The following ZKSCAN4 variants were observed in gnomAD, a reference collection of about 807,000 sequenced individuals.
ZKSCAN4 encodes the protein zinc finger protein with KRAB and SCAN domains 4.
A neutral mutation model predicts 30.8 loss-of-function variants in ZKSCAN4; 23 were observed. The observed-to-expected ratio is 0.75, with a 90% CI of 0.54 to 1.06. The LOEUF is 1.06. ZKSCAN4 is among the 50% of genes least tolerant of loss of function. ZKSCAN4 has a pLI of 0.00. For synonymous variants in ZKSCAN4, 208 were observed against 252.5 expected (o/e 0.82, Z 1.67); for missense variants, 556 against 665.4 (o/e 0.84, Z 1.81).
Position 28,245,047 on chromosome 6 carries a change from C to T in ZKSCAN4, c.*69G>A, listed in dbSNP as rs760430388. 1 of 1,600,204 alleles carries T rather than the reference C, an allele frequency of 6.2e-7. No homozygotes were observed. Among genetic ancestry groups the T allele is most frequent in the Non-Finnish European group, 8.6e-7 (1 of 1,168,460 alleles). On this transcript the variant is annotated 3_prime_UTR_variant, in exon 5 of 5. Coordinates refer to ENST00000377294, the MANE Select transcript of ZKSCAN4 (RefSeq NM_019110.5). ...AGCCCTGGTCCACAATTTCTGTAAC[C>T]ATTAAGGGCTCCAGGGTGGCTTCAG...
In ZKSCAN4 at chr6:28,243,064, T is replaced by C. The variant is rs1318567246; in HGVS notation, c.*2052A>G. Among the ~76,000 whole-genome samples the C allele has an allele frequency of 6.6e-6, 1 of 152,242 alleles. No individual in the cohort carries two copies. The highest frequency in any genetic ancestry group is 2.4e-5 in the African/African-American group (1 of 41,464). The stretch of plus-strand genomic sequence containing the variant: ...TTGAGTGTGTAAAATCAGAGCTATT[T>C]AGCAAATATTTAGGAGAAGTGAAAA... On this transcript the variant is annotated 3_prime_UTR_variant, in exon 5 of 5. Transcript: ENST00000377294.
chr6:28,249,757 A>T lies in ZKSCAN4; in HGVS notation c.501T>A (p.Ser167Arg), dbSNP rs1384035407. 6.2e-7 allele frequency: 1 copy of T among 1,614,030 alleles called. No homozygotes were observed. Among genetic ancestry groups the T allele is most frequent in the African/African-American group, 1.3e-5 (1 of 74,910 alleles). Residue 167 changes from serine (S) to arginine (R), a missense_variant, in exon 2 of 5, where the codon AGT becomes AGA. This residue lies in a region of ZKSCAN4 where 433 missense variants were observed against 511.5 expected (regional missense o/e 0.85). Coordinates refer to ENST00000377294, the MANE Select transcript of ZKSCAN4 (RefSeq NM_019110.5). The surrounding 1 kb of genome is among the most constrained non-coding windows in gnomAD (Gnocchi z 4.1). ...GAGCCTTCATTGGCTGGCACTGGCT[A>T]CTTTGAGACCCTTGAGTTTGTGTCA... ...ALLTQTQGSQSSQCQPMKALF... is the reference protein window; with the variant it reads ...ALLTQTQGSQRSQCQPMKALF...
At chr6:28,248,460 G>A (rs1201752425) in intron 2 of ZKSCAN4, among the ~76,000 whole-genome samples, 1 of 152,040 alleles carries the variant, frequency 6.6e-6, no homozygotes, top group Non-Finnish European at 1.5e-5. Context: ...GAGTAAAGAG[G>A]GTTTTTTGTT....
At position 28,243,471 on chromosome 6, in the gene ZKSCAN4, C is replaced by A. The variant is rs1024652680; in HGVS notation, c.*1645G>T. The stretch of plus-strand genomic sequence containing the variant: ...GATGGTAATAGGCACTTGAGCACTT[C>A]GGAAGAAATCAGTCTTTAAGCATCG... On this transcript the variant is annotated 3_prime_UTR_variant, in exon 5 of 5. Transcript: ENST00000377294. Among the ~76,000 whole-genome samples, 1 of 152,100 alleles carries A rather than the reference C, an allele frequency of 6.6e-6. No individual in the cohort carries two copies. The highest frequency in any genetic ancestry group is 2.4e-5 in the African/African-American group (1 of 41,396).
chr6:28,242,707 G>T lies in ZKSCAN4; in HGVS notation c.*2409C>A, dbSNP rs2113666308. Among the ~76,000 whole-genome samples, 1 of 152,126 alleles carries T rather than the reference G, an allele frequency of 6.6e-6. No homozygotes were observed. Among genetic ancestry groups the T allele is most frequent in the Middle Eastern group, 3.4e-3 (1 of 294 alleles). Reference sequence around the variant, plus strand: ...TATCATTACACTGCCTTATTTGTGTGCAAGTCTTACCAACCTGACTGTACT... The same window carrying T: ...TATCATTACACTGCCTTATTTGTGTTCAAGTCTTACCAACCTGACTGTACT... On this transcript the variant is annotated 3_prime_UTR_variant, in exon 5 of 5. Transcript: ENST00000377294.
At chr6:28,259,083 T>C in the ZKSCAN4 span, among the ~76,000 whole-genome samples, 1 of 152,064 alleles carries the variant, frequency 6.6e-6, no homozygotes, top group Non-Finnish European at 1.5e-5. Flanking sequence ...GTTCCAACAG[T>C]AGAGGGGATC....
chr6:28,242,784 G>A lies in ZKSCAN4; in HGVS notation c.*2332C>T, dbSNP rs1471527788. 6.6e-6 allele frequency among the ~76,000 whole-genome samples: 1 copy of A among 151,882 alleles called. No homozygotes were observed. Among genetic ancestry groups the A allele is most frequent in the Non-Finnish European group, 1.5e-5 (1 of 67,908 alleles). ...ACACACACACACACACACACAAATA[G>A]AGGCTTTATTTCTTCCCTTTTCTAG... On this transcript the variant is annotated 3_prime_UTR_variant, in exon 5 of 5. Transcript: ENST00000377294.
chr6:28,251,705 G>T lies in ZKSCAN4; in HGVS notation c.276C>A (p.Ile92=). The part of the protein sequence containing the change: ...LQPEMHSKEQ[I]LELLVLEQFL... ...ACTGCTCCAGCACCAGCAGCTCCAG[G>T]ATCTGCTCCTTGCTGTGCATCTCAG... Residue 92 remains isoleucine, a synonymous_variant, in exon 1 of 5, where the codon ATC becomes ATA. Transcript: ENST00000377294. The surrounding 1 kb of genome is among the most constrained non-coding windows in gnomAD (Gnocchi z 4.5). 1 of 1,614,204 alleles carries T rather than the reference G, an allele frequency of 6.2e-7. No homozygotes were observed. The highest frequency in any genetic ancestry group is 1.1e-5 in the South Asian group (1 of 91,070).
At chr6:28,257,489 G>T in the ZKSCAN4 span, among the ~76,000 whole-genome samples, 1 of 152,040 alleles carries the variant, frequency 6.6e-6, no homozygotes, top group Non-Finnish European at 1.5e-5. Flanking sequence ...GCACCATGGC[G>T]TGTGTATACC....
At chr6:28,253,014 G>A (rs548958632), upstream of ZKSCAN4, among the ~76,000 whole-genome samples, 2 of 152,286 alleles carry the variant, frequency 1.3e-5, no homozygotes, top group African/African-American at 4.8e-5. The surrounding 1 kb of genome is among the most constrained non-coding windows in gnomAD (Gnocchi z 4.2). Context: ...TACCCTCCCT[G>A]TGCCCGACTT....
Position 28,251,976 on chromosome 6 carries a change from G to T in ZKSCAN4, c.5C>A (p.Ala2Asp). 1 of 1,519,290 alleles carries T rather than the reference G, an allele frequency of 6.6e-7. No homozygotes were observed. Among genetic ancestry groups the T allele is most frequent in the Non-Finnish European group, 8.8e-7 (1 of 1,137,936 alleles). The allele number at this position is 1,519,290 out of a possible 1,614,324, so 94.1% of individuals were successfully genotyped here. Residue 2 changes from alanine (A) to aspartate (D), a missense_variant, in exon 1 of 5, where the codon GCT (alanine) becomes GAT (aspartate). Physicochemically the swap from Ala to Asp is moderately radical, Grantham distance 126. Coordinates refer to ENST00000377294, the MANE Select transcript of ZKSCAN4 (RefSeq NM_019110.5). The surrounding 1 kb of genome is among the most constrained non-coding windows in gnomAD (Gnocchi z 4.5). ...GGCTGCGTTTTTTCTCGGTTCTCTA[G>T]CCATTCTGACCCAAGGCAGTACTCG... M[A>D]REPRKNAALD...
rs1390443101 is a variant in ZKSCAN4, at chr6:28,250,984, A to C, written c.423+574T>G. 2.0e-5 allele frequency among the ~76,000 whole-genome samples: 3 copies of C among 152,234 alleles called. No homozygotes were observed. The East Asian group carries it at 5.8e-4, about 29-fold the overall frequency. ...AGAACATGGAGGTAAAAATAGGCCC[A>C]CTTTCTACCAGAGGTTCATAACCAG... On this transcript the variant is annotated intron_variant, in intron 1 of 4. Transcript: ENST00000377294.
chr6:28,247,161 C>T (rs769735670), intron 3 of ZKSCAN4, 69 bp from the exon 4 acceptor site: 2 of 1,495,846 alleles, frequency 1.3e-6, no homozygotes, highest in Admixed American at 2.1e-5. Context: ...GAATGAACAT[C>T]CCCTTTAAAG....
At chr6:28,248,038 G>T in intron 3 of ZKSCAN4, 29 bp downstream of exon 3, 3 of 1,568,666 alleles carry the variant, frequency 1.9e-6, no homozygotes, top group Non-Finnish European at 2.6e-6. Context: ...GGTATGGGGC[G>T]CTGGGGAGGG....
In ZKSCAN4 at chr6:28,242,778, CAAAT is replaced by C. The variant is rs1386680616; in HGVS notation, c.*2334_*2337del. 3.4e-5 allele frequency among the ~76,000 whole-genome samples: 5 copies of C among 149,190 alleles called. No individual in the cohort carries two copies. The highest frequency in any genetic ancestry group is 1.0e-4 in the African/African-American group (4 of 40,008). Reference sequence around the variant, plus strand: ...GTATACACACACACACACACACACACAAATAGAGGCTTTATTTCTTCCCTTTTCT... The same window carrying C: ...GTATACACACACACACACACACACACAGAGGCTTTATTTCTTCCCTTTTCT... On this transcript the variant is annotated 3_prime_UTR_variant, in exon 5 of 5. Coordinates refer to ENST00000377294, the MANE Select transcript of ZKSCAN4 (RefSeq NM_019110.5).
rs1335511120 is a variant in ZKSCAN4, at chr6:28,252,157, C to A, written c.-177G>T. ...CACAGATCTCTCTTATAGTCCGTGC[C>A]TTTGCAGGGTCGTCCTCTGCACCCC... On this transcript the variant is annotated 5_prime_UTR_variant, in exon 1 of 5. The change creates a new upstream start codon in the 5' untranslated region. Transcript: ENST00000377294. 3.7e-6 allele frequency: 2 copies of A among 541,918 alleles called. No individual in the cohort carries two copies. Among genetic ancestry groups the A allele is most frequent in the Admixed American group, 3.7e-5 (1 of 27,086 alleles). The allele number at this position is 541,918 out of a possible 1,614,324, so 33.6% of individuals were successfully genotyped here. A position where few individuals can be genotyped will look rare whatever the true frequency, so the allele number is the denominator to read the frequency against.
the ZKSCAN4 span, among the ~76,000 whole-genome samples, chr6:28,257,914 T>C: frequency 6.6e-6 from 1 of 152,226 alleles, no homozygotes; most frequent in Admixed American, 6.5e-5. Context: ...CATTGGCCTA[T>C]CAAGTAGTTT....
At chr6:28,248,289 T>G in intron 2 of ZKSCAN4, 140 bp from the exon 3 acceptor site, 1 of 613,894 alleles carries the variant, frequency 1.6e-6, no homozygotes, top group Non-Finnish European at 2.9e-6. Context: ...AAATGCCTGA[T>G]TCCCACCAGC....
chr6:28,251,966 C>T lies in ZKSCAN4; in HGVS notation c.15G>A (p.Pro5=), dbSNP rs780587307. The part of the protein sequence containing the change: MARE[P]RKNAALDAQS... ...GGGCGTCCAGGGCTGCGTTTTTTCTCGGTTCTCTAGCCATTCTGACCCAAG... is the reference window on the plus strand; with the variant it reads ...GGGCGTCCAGGGCTGCGTTTTTTCTTGGTTCTCTAGCCATTCTGACCCAAG... The change falls in exon 1 of 5, where the codon CCG becomes CCA. Residue 5 remains proline, a synonymous_variant. Coordinates refer to ENST00000377294, the MANE Select transcript of ZKSCAN4 (RefSeq NM_019110.5). The surrounding 1 kb of genome is among the most constrained non-coding windows in gnomAD (Gnocchi z 4.5). The T allele has an allele frequency of 1.3e-6, 2 of 1,519,988 alleles. No individual in the cohort carries two copies. Among genetic ancestry groups the T allele is most frequent in the African/African-American group, 1.4e-5 (1 of 71,780 alleles). 94.2% of individuals were successfully genotyped at this position (1,519,988 alleles called of 1,614,324 possible). A position where few individuals can be genotyped will look rare whatever the true frequency, so the allele number is the denominator to read the frequency against.
Sources: allele counts gnomAD v4.1 joint callset (sites outside exome capture counted in the v4.1 genomes callset), GRCh38; gene constraint gnomAD v4.1.1; regional missense constraint gnomAD v4.1.1; non-coding constraint Gnocchi (gnomAD v3.1); transcripts MANE v1.5; gene names NCBI Gene and HGNC (gene_info 2026-07-23, HGNC 2026-07-21).